The following LRP1B variants were observed in gnomAD, a reference collection of about 807,000 sequenced individuals.
The protein encoded by LRP1B is LDL receptor related protein 1B.
Under a neutral mutation model 556.6 loss-of-function variants are expected in LRP1B, and 217 were observed. The ratio of observed to expected loss-of-function variants is 0.39; its 90% CI spans 0.35 to 0.44. The LOEUF is 0.44. Ranked by LOEUF, LRP1B falls within the 20% of genes least tolerant of loss-of-function variation. The pLI, the probability that LRP1B is intolerant of heterozygous loss-of-function variation, is 1.00. For missense variants in LRP1B, 5,053 were observed against 5,620.8 expected, an observed-to-expected ratio of 0.90 and a Z score of 3.23; for synonymous variants, 2,047 against 1,865.8, an observed-to-expected ratio of 1.10 and a Z score of -2.50.
intron 86 of LRP1B, among the ~76,000 whole-genome samples, chr2:140,252,066 A>AAAACAAAAAAAAAAAAAAAAAAC (rs1681449409): frequency 9.6e-5 from 11 of 114,094 alleles, no homozygotes; most frequent in Admixed American, 1.8e-4. Flanking sequence ...AAGATGCAAA[A>AAAACAAAAAAAAAAAAAAAAAAC]AAAAAAAAAA....
chr2:140,933,994 A>G (rs1695129051), intron 20 of LRP1B, among the ~76,000 whole-genome samples: 1 of 152,074 alleles, frequency 6.6e-6, no homozygotes, highest in Admixed American at 6.6e-5. Flanking sequence ...GATAAAATCC[A>G]TTAATAATTA....
At chr2:140,484,625 TA>T in intron 59 of LRP1B, among the ~76,000 whole-genome samples, 1 of 152,254 alleles carries the variant, frequency 6.6e-6, no homozygotes, top group East Asian at 1.9e-4. Context: ...TGCAAAAAGT[TA>T]AAAAGTTATG....
At chr2:140,370,217 G>A (rs926438050) in intron 71 of LRP1B, among the ~76,000 whole-genome samples, 2 of 151,940 alleles carry the variant, frequency 1.3e-5, no homozygotes, top group Non-Finnish European at 2.9e-5. Context: ...TATTTTCTCA[G>A]TGATACGGCA....
At chr2:142,108,313 A>G (rs957365402) in intron 1 of LRP1B, among the ~76,000 whole-genome samples, 8 of 152,148 alleles carry the variant, frequency 5.3e-5, no homozygotes, top group African/African-American at 1.7e-4. Flanking sequence ...ATATGTTTCA[A>G]TTCCATGGGA....
intron 1 of LRP1B, among the ~76,000 whole-genome samples, chr2:142,018,755 T>G (rs1342721101): frequency 6.6e-6 from 1 of 151,938 alleles, no homozygotes; most frequent in African/African-American, 2.4e-5. Context: ...AATTAGTATT[T>G]ATATCTAATG....
rs1258748018 is a variant in LRP1B, at chr2:140,326,008, C to T, written c.12224-130G>A. 6.4e-6 allele frequency: 4 copies of T among 620,602 alleles called. No homozygotes were observed. In the Admixed American group the frequency reaches 1.1e-4, roughly 17 times the overall value. 38.4% of individuals were successfully genotyped at this position (620,602 alleles called of 1,614,324 possible). ...AAGCATCATAGAAATTACCTGGTGC[C>T]CATCATGAAACTGTAGAAATTAGAA... On this transcript the variant is annotated intron_variant, in intron 79 of 90. Coordinates refer to ENST00000389484, the MANE Select transcript of LRP1B (RefSeq NM_018557.3).
intron 35 of LRP1B, among the ~76,000 whole-genome samples, chr2:140,721,823 C>T (rs761221831): frequency 2.6e-5 from 4 of 151,340 alleles, no homozygotes; most frequent in Non-Finnish European, 4.4e-5. Context: ...TTTGACATAC[C>T]GCAGGAGACT....
intron 2 of LRP1B, among the ~76,000 whole-genome samples, chr2:141,621,202 C>T (rs954940418): frequency 2.6e-5 from 4 of 152,090 alleles, no homozygotes; most frequent in African/African-American, 9.7e-5. Flanking sequence ...CATCAATGCT[C>T]ATATTGTTAC....
intron 86 of LRP1B, among the ~76,000 whole-genome samples, chr2:140,250,091 C>T (rs937294436): frequency 1.3e-5 from 2 of 151,852 alleles, no homozygotes; most frequent in South Asian, 2.1e-4. Context: ...GCTATTCATC[C>T]GGGGACAATT....
intron 2 of LRP1B, among the ~76,000 whole-genome samples, chr2:141,707,223 C>T (rs1235674441): frequency 2.6e-5 from 4 of 152,038 alleles, no homozygotes; most frequent in Non-Finnish European, 5.9e-5. Context: ...ACGCCATTAC[C>T]AGATTCACCC....
chr2:141,933,331 C>G (rs937078922), intron 1 of LRP1B, among the ~76,000 whole-genome samples: 2 of 152,006 alleles, frequency 1.3e-5, no homozygotes, highest in African/African-American at 2.4e-5. Context: ...AAGAAATACT[C>G]TGAGGTCACA....
chr2:141,720,112 T>C (rs1692760916), intron 2 of LRP1B, among the ~76,000 whole-genome samples: 1 of 152,154 alleles, frequency 6.6e-6, no homozygotes, highest in African/African-American at 2.4e-5. Flanking sequence ...CACAATATGT[T>C]GGTGTATAAA....
intron 41 of LRP1B, among the ~76,000 whole-genome samples, chr2:140,653,743 G>A (rs563185823): frequency 6.6e-6 from 1 of 152,056 alleles, no homozygotes; most frequent in Non-Finnish European, 1.5e-5. Flanking sequence ...CTTTAACTAT[G>A]GCCAGGCATG....
chr2:141,171,014 C>CT (rs1207645026), intron 7 of LRP1B, among the ~76,000 whole-genome samples: 1 of 151,870 alleles, frequency 6.6e-6, no homozygotes, highest in Non-Finnish European at 1.5e-5. Flanking sequence ...ATAAATAAAA[C>CT]TAGTAGGCTT....
rs561892906 is a variant in LRP1B at position 141,856,798 on chromosome 2, C to T, written c.83-46397G>A. On this transcript the variant is annotated intron_variant, in intron 1 of 90. Coordinates refer to ENST00000389484, the MANE Select transcript of LRP1B (RefSeq NM_018557.3). ...AGGGCTCATGCTGAAAATCAGATCTCGCTCCCCGTTTCAACGATCTCCAGT... is the reference window on the plus strand; with the variant it reads ...AGGGCTCATGCTGAAAATCAGATCTTGCTCCCCGTTTCAACGATCTCCAGT... 6.6e-5 allele frequency among the ~76,000 whole-genome samples: 10 copies of T among 152,134 alleles called. 1 individual carries two copies. The highest frequency in any genetic ancestry group is 5.8e-4 in the East Asian group (3 of 5,166).
intron 1 of LRP1B, among the ~76,000 whole-genome samples, chr2:142,051,522 G>C (rs1053147586): frequency 2.6e-5 from 4 of 151,610 alleles, no homozygotes; most frequent in African/African-American, 4.9e-5. Context: ...CTGTCACCCA[G>C]GCTGGAGTAC....
intron 2 of LRP1B, among the ~76,000 whole-genome samples, chr2:141,627,158 C>G (rs1232265544): frequency 6.6e-6 from 1 of 152,142 alleles, no homozygotes; most frequent in South Asian, 2.1e-4. Context: ...ATGGAAGAAA[C>G]TTAAGTGCAT....
chr2:141,644,784 CA>C (rs1417544239), intron 2 of LRP1B, among the ~76,000 whole-genome samples: 6 of 138,232 alleles, frequency 4.3e-5, no homozygotes, highest in African/African-American at 9.0e-5. Context: ...CACACACACA[CA>C]ACACACACAC....
intron 41 of LRP1B, among the ~76,000 whole-genome samples, chr2:140,675,914 A>G (rs965620251): frequency 6.6e-6 from 1 of 152,142 alleles, no homozygotes; most frequent in African/African-American, 2.4e-5. Context: ...CTCATTATCA[A>G]TTGCTACCTC....
Sources: gnomAD v4.1 joint callset for allele counts (sites outside exome capture counted in the v4.1 genomes callset) on GRCh38, gnomAD v4.1.1 for gene constraint, MANE v1.5 for transcripts, NCBI Gene and HGNC (gene_info 2026-07-23, HGNC 2026-07-21) for gene names.